THSD7B: variants seen among roughly 807,000 people sequenced by gnomAD.
THSD7B encodes the protein thrombospondin type 1 domain containing 7B, also known as thrombospondin type-1 domain-containing protein 7B.
In THSD7B, 138 loss-of-function variants were observed where a neutral mutation model predicts 213.6. The observed-to-expected ratio is 0.65, with a 90% CI of 0.56 to 0.74. THSD7B has a LOEUF of 0.74. Ranked by LOEUF, THSD7B falls within the 30% of genes least tolerant of loss-of-function variation. The pLI is 0.00. For missense variants in THSD7B, 1,931 were observed against 1,991.5 expected (o/e 0.97, Z 0.58); for synonymous variants, 742 against 687.0 (o/e 1.08, Z -1.25).
intron 1 of THSD7B, among the ~76,000 whole-genome samples, chr2:136,851,640 A>G (rs1212413023): frequency 1.3e-5 from 2 of 152,066 alleles, no homozygotes; most frequent in Non-Finnish European, 2.9e-5. Flanking sequence ...ATTTGCCTCT[A>G]CTGTTTTTTG....
intron 15 of THSD7B, among the ~76,000 whole-genome samples, chr2:137,487,764 T>G (rs1327988684): frequency 6.7e-5 from 1 of 14,984 alleles, no homozygotes; most frequent in Non-Finnish European, 1.7e-4. Flanking sequence ...TTTTTTTTTT[T>G]TTTTTTTTTT....
chr2:136,797,396 C>T (rs939781883), intron 1 of THSD7B, among the ~76,000 whole-genome samples: 3 of 151,968 alleles, frequency 2.0e-5, no homozygotes, highest in Non-Finnish European at 4.4e-5. Context: ...TTGGAGAAGG[C>T]GTAAGTCTTT....
intron 11 of THSD7B, among the ~76,000 whole-genome samples, chr2:137,275,057 A>C (rs966972336): frequency 6.6e-6 from 1 of 152,096 alleles, no homozygotes; most frequent in Non-Finnish European, 1.5e-5. Flanking sequence ...ATCTGTAGTT[A>C]TACTTAGGGT....
rs572201672 is a variant in THSD7B at position 137,392,357 on chromosome 2, C to G, written c.2501-13256C>G. Among the ~76,000 whole-genome samples, 16 of 152,188 alleles carry G rather than the reference C, an allele frequency of 1.1e-4. 1 individual carries two copies. In the South Asian group the frequency reaches 3.3e-3, roughly 32 times the overall value. ...GCTGTGAGTAGGATGTTTAAATCCC[C>G]TACTATTATTGTATTGCTGTCTCTT... is the stretch of plus-strand genomic sequence containing the variant. On this transcript the variant is annotated intron_variant, in intron 12 of 27. Coordinates refer to ENST00000409968, the MANE Select transcript of THSD7B (RefSeq NM_001316349.2).
chr2:137,410,077 C>T (rs893865091), intron 13 of THSD7B, among the ~76,000 whole-genome samples: 21 of 152,018 alleles, frequency 1.4e-4, no homozygotes, highest in Non-Finnish European at 2.5e-4. Flanking sequence ...CTTGAACCTG[C>T]TAAATGCTAA....
At chr2:137,000,094 G>C (rs1448519101) in intron 2 of THSD7B, among the ~76,000 whole-genome samples, 2 of 152,178 alleles carry the variant, frequency 1.3e-5, no homozygotes, top group African/African-American at 4.8e-5. Flanking sequence ...CTGGCATGGG[G>C]AGGAGGGTTC....
At chr2:137,238,068 C>T (rs1681808243) in intron 9 of THSD7B, among the ~76,000 whole-genome samples, 1 of 152,066 alleles carries the variant, frequency 6.6e-6, no homozygotes, top group African/African-American at 2.4e-5. Flanking sequence ...TCAAGTATTA[C>T]CCAGTGAGTG....
intron 7 of THSD7B, among the ~76,000 whole-genome samples, chr2:137,200,557 A>G (rs932787900): frequency 2.0e-5 from 3 of 152,090 alleles, no homozygotes; most frequent in South Asian, 2.1e-4. Flanking sequence ...GCAAACACAC[A>G]TGTGCCTAGT....
chr2:137,551,001 A>G (rs2105206212), intron 15 of THSD7B, among the ~76,000 whole-genome samples: 1 of 152,000 alleles, frequency 6.6e-6, no homozygotes, highest in Admixed American at 6.6e-5. Context: ...AAGTTAAAAT[A>G]TTAAAATAAA....
At chr2:137,105,176 G>T (rs989623665) in intron 4 of THSD7B, among the ~76,000 whole-genome samples, 1 of 152,154 alleles carries the variant, frequency 6.6e-6, no homozygotes, top group Non-Finnish European at 1.5e-5. Context: ...CTGGCAAATC[G>T]AATCCAGCAG....
chr2:136,983,553 C>CA (rs1475280840), intron 2 of THSD7B, among the ~76,000 whole-genome samples: 1 of 146,602 alleles, frequency 6.8e-6, no homozygotes, highest in Non-Finnish European at 1.5e-5. Context: ...TGATTATAAA[C>CA]AAAGTACACT....
chr2:137,325,769 A>G (rs184400969), intron 12 of THSD7B, among the ~76,000 whole-genome samples: 2 of 152,334 alleles, frequency 1.3e-5, no homozygotes, highest in East Asian at 3.9e-4. Context: ...AGTAATTTAA[A>G]ATCCTGCTCA....
At chr2:136,977,041 G>C (rs1165869587) in intron 2 of THSD7B, among the ~76,000 whole-genome samples, 2 of 152,132 alleles carry the variant, frequency 1.3e-5, no homozygotes, top group Non-Finnish European at 2.9e-5. Flanking sequence ...CAGAAGAAAT[G>C]GTACCAGCTC....
intron 26 of THSD7B, among the ~76,000 whole-genome samples, chr2:137,664,116 G>A (rs547935479): frequency 6.6e-6 from 1 of 152,288 alleles, no homozygotes; most frequent in African/African-American, 2.4e-5. Flanking sequence ...GCCTCCCAAA[G>A]TGCTGGGATT....
chr2:136,819,856 C>A (rs1558815606), intron 1 of THSD7B, among the ~76,000 whole-genome samples: 1 of 152,104 alleles, frequency 6.6e-6, no homozygotes, highest in Admixed American at 6.5e-5. Flanking sequence ...GCTTAGATCA[C>A]TCTGCTTCAG....
chr2:137,425,401 GA>G (rs952839507), intron 14 of THSD7B, among the ~76,000 whole-genome samples: 1 of 151,984 alleles, frequency 6.6e-6, no homozygotes, highest in African/African-American at 2.4e-5. Context: ...AATTTTAGTA[GA>G]GGTGGGGTTT....
At chr2:137,397,249 C>G (rs1184868784) in intron 12 of THSD7B, among the ~76,000 whole-genome samples, 1 of 152,080 alleles carries the variant, frequency 6.6e-6, no homozygotes, top group African/African-American at 2.4e-5. Flanking sequence ...GATGCAGTTT[C>G]TTCCTAGTCT....
chr2:137,607,151 T>C (rs1553463756), intron 17 of THSD7B, among the ~76,000 whole-genome samples: 1 of 147,594 alleles, frequency 6.8e-6, no homozygotes, highest in Non-Finnish European at 1.5e-5. Context: ...GTGTTATTCA[T>C]TAGTGTCTTC....
In THSD7B at chr2:137,015,173, A is replaced by C. The variant is rs1686314877; in HGVS notation, c.140-41247A>C. Among the ~76,000 whole-genome samples the C allele has an allele frequency of 1.3e-5, 2 of 152,178 alleles. 1 individual carries two copies. Among genetic ancestry groups the C allele is most frequent in the South Asian group, 4.1e-4 (2 of 4,832 alleles). ...GTCTTGCTCACTGTTGTGTATTCAG[A>C]GCCTAGCACAAATGCTAGTGCAAAT... On this transcript the variant is annotated intron_variant, in intron 2 of 27. Coordinates refer to ENST00000409968, the MANE Select transcript of THSD7B (RefSeq NM_001316349.2).
Sources: gnomAD v4.1 joint callset for allele counts (sites outside exome capture counted in the v4.1 genomes callset) on GRCh38, gnomAD v4.1.1 for gene constraint, MANE v1.5 for transcripts, NCBI Gene and HGNC (gene_info 2026-07-23, HGNC 2026-07-21) for gene names.